CSMD1: variants seen among roughly 807,000 people sequenced by gnomAD.
The protein encoded by CSMD1 is CUB and Sushi multiple domains 1, also known as CUB and sushi domain-containing protein 1.
A neutral mutation model predicts 417.5 loss-of-function variants in CSMD1; 213 were observed. The observed-to-expected ratio is 0.51, with a 90% CI of 0.46 to 0.57. The LOEUF is 0.57. Ranked by LOEUF, CSMD1 falls within the 20% of genes least tolerant of loss-of-function variation. The probability of loss-of-function intolerance (pLI) is 0.00; values close to 1 mark genes in which losing one functional copy is unlikely to be tolerated. For synonymous variants in CSMD1, 2,862 were observed against 1,736.8 expected, an observed-to-expected ratio of 1.65 and a Z score of -16.11; for missense variants, 6,923 against 4,529.7, an observed-to-expected ratio of 1.53 and a Z score of -15.17.
chr8:3,373,798 T>C (rs1225477239), intron 18 of CSMD1: 6 of 152,186 alleles, frequency 3.9e-5, no homozygotes, highest in Non-Finnish European at 7.3e-5. Context: ...TTTACTTTTC[T>C]ATTTATGTAA....
At chr8:2,939,284 G>A (rs539710875) in intron 69 of CSMD1, among the ~76,000 whole-genome samples, 2 of 152,328 alleles carry the variant, frequency 1.3e-5, no homozygotes, top group South Asian at 2.1e-4. Flanking sequence ...CTAGCCTTTA[G>A]CACGGTATGC....
chr8:3,789,142 C>G (rs1027019612), intron 5 of CSMD1, among the ~76,000 whole-genome samples: 1 of 152,096 alleles, frequency 6.6e-6, no homozygotes, highest in Non-Finnish European at 1.5e-5. Context: ...TGTTTTAGAG[C>G]AATGCCCCAG....
chr8:2,963,145 A>T, intron 60 of CSMD1, 77 bp downstream of exon 60: 1 of 1,507,608 alleles, frequency 6.6e-7, no homozygotes, highest in Non-Finnish European at 9.1e-7. Context: ...TCAGATTGTA[A>T]CCTTAGGATG....
At chr8:3,428,662 T>TA (rs1314344476) in intron 12 of CSMD1, among the ~76,000 whole-genome samples, 2 of 152,030 alleles carry the variant, frequency 1.3e-5, no homozygotes, top group African/African-American at 2.4e-5. Flanking sequence ...CTTATAAAAG[T>TA]AAAAAAGAAC....
chr8:4,027,785 C>A (rs549724700), intron 4 of CSMD1, among the ~76,000 whole-genome samples: 1 of 152,092 alleles, frequency 6.6e-6, no homozygotes, highest in Admixed American at 6.6e-5. Context: ...ATAGTAAAGG[C>A]AGAAATGGAA....
chr8:3,346,603 C>T (rs1808014398), intron 22 of CSMD1, among the ~76,000 whole-genome samples: 1 of 152,178 alleles, frequency 6.6e-6, no homozygotes, highest in Non-Finnish European at 1.5e-5. Flanking sequence ...GCAAACGCGG[C>T]CTTAGGAGGA....
At chr8:4,440,929 G>T (rs919347905) in intron 2 of CSMD1, among the ~76,000 whole-genome samples, 1 of 150,942 alleles carries the variant, frequency 6.6e-6, no homozygotes, top group East Asian at 2.0e-4. Flanking sequence ...CCCGGGAGGC[G>T]GAGGTTGCAG....
intron 2 of CSMD1, among the ~76,000 whole-genome samples, chr8:4,530,125 G>A (rs747725158): frequency 6.6e-6 from 1 of 151,552 alleles, no homozygotes; most frequent in Non-Finnish European, 1.5e-5. Context: ...GTGTTAGCCA[G>A]GATGGTCTCG....
intron 3 of CSMD1, among the ~76,000 whole-genome samples, chr8:4,409,279 C>T (rs1195183539): frequency 1.3e-5 from 2 of 152,138 alleles, no homozygotes; most frequent in East Asian, 1.9e-4. Flanking sequence ...CCAGTGTTCT[C>T]GGCTTTGTGT....
chr8:3,911,097 G>C (rs1003972790), intron 5 of CSMD1, among the ~76,000 whole-genome samples: 6 of 152,254 alleles, frequency 3.9e-5, no homozygotes, highest in African/African-American at 1.4e-4. Flanking sequence ...AAATCACCTT[G>C]GCAGCTGTGG....
chr8:3,192,997 T>G (rs1190363860), intron 33 of CSMD1, among the ~76,000 whole-genome samples: 1 of 152,020 alleles, frequency 6.6e-6, no homozygotes, highest in Non-Finnish European at 1.5e-5. Context: ...TTCCACAAAA[T>G]GAAGCGCTAT....
chr8:3,859,861 T>C (rs926617061), intron 5 of CSMD1, among the ~76,000 whole-genome samples: 5 of 152,190 alleles, frequency 3.3e-5, no homozygotes, highest in Non-Finnish European at 5.9e-5. Context: ...GGGTACAGCC[T>C]CAGGCATCTC....
intron 1 of CSMD1, among the ~76,000 whole-genome samples, chr8:4,948,542 A>C (rs1477397772): frequency 1.3e-5 from 2 of 152,056 alleles, no homozygotes; most frequent in African/African-American, 4.8e-5. Flanking sequence ...CTGGTTTTGT[A>C]AATCTGCTAG....
Position 3,205,636 on chromosome 8 carries a change from A to G in CSMD1, c.4868-16T>C, listed in dbSNP as rs1563141038. 1 of 1,307,260 alleles carries G rather than the reference A, an allele frequency of 7.6e-7. No homozygotes were observed. The highest frequency in any genetic ancestry group is 1.3e-5 in the South Asian group (1 of 77,530). 81.0% of individuals were successfully genotyped at this position (1,307,260 alleles called of 1,614,324 possible). Reference sequence around the variant, plus strand: ...CCACAGGGAGCTGAAAATAAAATCAACCGAGAATTAGTCGCTGTGCAATAA... The same window carrying G: ...CCACAGGGAGCTGAAAATAAAATCAGCCGAGAATTAGTCGCTGTGCAATAA... On this transcript the variant is annotated splice_polypyrimidine_tract_variant and intron_variant, in intron 30 of 69. Coordinates refer to ENST00000635120, the MANE Select transcript of CSMD1 (RefSeq NM_033225.6).
rs138616694 is a variant in CSMD1 at position 3,856,445 on chromosome 8, C to G, written c.819-102403G>C. 3.7e-3 allele frequency among the ~76,000 whole-genome samples: 558 copies of G among 152,290 alleles called. 3 individuals carry two copies. The highest frequency in any genetic ancestry group is 7.3e-3 in the African/African-American group (305 of 41,566). ...ATAGCAATGCAAGAACAGACGAATA[C>G]ATACTACTCCTAACATGCTGCCCTA... On this transcript the variant is annotated intron_variant, in intron 5 of 69. Transcript: ENST00000635120.
intron 4 of CSMD1, among the ~76,000 whole-genome samples, chr8:4,004,798 G>T (rs973921554): frequency 6.6e-6 from 1 of 152,134 alleles, no homozygotes. Context: ...AGGCTGGAGT[G>T]CAGTGGCGCG....
intron 1 of CSMD1, among the ~76,000 whole-genome samples, chr8:4,680,701 T>C (rs2130975722): frequency 6.6e-6 from 1 of 152,154 alleles, no homozygotes; most frequent in South Asian, 2.1e-4. Flanking sequence ...CGCCTCAGCC[T>C]CCCGAGTAGC....
chr8:3,591,619 C>T (rs1800849072), intron 8 of CSMD1, among the ~76,000 whole-genome samples: 1 of 152,206 alleles, frequency 6.6e-6, no homozygotes, highest in African/African-American at 2.4e-5. Flanking sequence ...GGATCTCCTA[C>T]CTCTCTTTTC....
chr8:4,086,284 G>C (rs2912283), intron 3 of CSMD1, among the ~76,000 whole-genome samples: 1,910 of 152,204 alleles, frequency 0.013, 40 homozygotes, highest in African/African-American at 0.042. Flanking sequence ...GGACTTACTC[G>C]AGGCCACAAA....
Sources: allele counts gnomAD v4.1 joint callset (sites outside exome capture counted in the v4.1 genomes callset), GRCh38; gene constraint gnomAD v4.1.1; transcripts MANE v1.5; gene names NCBI Gene and HGNC (gene_info 2026-07-23, HGNC 2026-07-21).